Variants in CARF observed in about 807,000 individuals in gnomAD.
CARF encodes calcium-responsive transcription factor.
In CARF, 57 loss-of-function variants were observed where a neutral mutation model predicts 82.0. The ratio of observed to expected loss-of-function variants is 0.70; its 90% CI spans 0.56 to 0.87. CARF has a LOEUF of 0.87. Ranked by LOEUF, CARF falls within the 40% of genes least tolerant of loss-of-function variation. The pLI, the probability that CARF is intolerant of heterozygous loss-of-function variation, is 0.00. For missense variants in CARF, 771 were observed against 855.8 expected (o/e 0.90, Z 1.24); for synonymous variants, 268 against 290.1 (o/e 0.92, Z 0.77).
chr2:202,941,111 C>T (rs1364897235), intron 3 of CARF, among the ~76,000 whole-genome samples: 3 of 151,968 alleles, frequency 2.0e-5, no homozygotes, highest in African/African-American at 7.2e-5. Context: ...ATTGCTTTTA[C>T]TTCTATAGCC....
At chr2:202,924,185 G>A (rs1004860190) in intron 2 of CARF, 112 bp from the exon 3 acceptor site, 3 of 152,158 alleles carry the variant, frequency 2.0e-5, no homozygotes, top group African/African-American at 7.2e-5. Context: ...GTCTTTGTCA[G>A]CTACATGTTT....
rs762792094 is a variant in CARF at position 202,983,604 on chromosome 2, A to G, written c.2158A>G (p.Lys720Glu). ...GGAAGCAAAAAAAACTGTGGACTAT[A>G]AGAAATTATCTGCTACATAAATTAT... ...SMEAKKTVDY[K>E]KLSAT Residue 720 changes from lysine to glutamate, a missense_variant, in exon 17 of 17, where the codon AAG (lysine) becomes GAG (glutamate). By Grantham distance (56) the Lys-to-Glu change is moderately conservative. Transcript: ENST00000438828. 1.2e-6 allele frequency: 2 copies of G among 1,600,244 alleles called. No individual in the cohort carries two copies. Among genetic ancestry groups the G allele is most frequent in the Admixed American group, 3.4e-5 (2 of 59,054 alleles).
chr2:202,934,247 A>G (rs1693508857), intron 3 of CARF, among the ~76,000 whole-genome samples: 1 of 152,028 alleles, frequency 6.6e-6, no homozygotes, highest in South Asian at 2.1e-4. Context: ...TTTATGGTTC[A>G]GATCTAGTAT....
chr2:202,934,421 T>G (rs1693540443), intron 3 of CARF: 1 of 152,196 alleles, frequency 6.6e-6, no homozygotes, highest in African/African-American at 2.4e-5. Context: ...TGGCTCTAAG[T>G]TCTATCCACT....
chr2:202,918,949 T>C (rs1310012051), intron 2 of CARF, among the ~76,000 whole-genome samples: 1 of 152,214 alleles, frequency 6.6e-6, no homozygotes, highest in Non-Finnish European at 1.5e-5. Flanking sequence ...TTTATTCCAT[T>C]GGCAAAATCT....
rs184121964 is a variant in CARF at position 202,931,156 on chromosome 2, A to G, written c.-44+6741A>G. Among the ~76,000 whole-genome samples the G allele has an allele frequency of 3.9e-3, 587 of 151,642 alleles. 1 individual carries two copies. The highest frequency in any genetic ancestry group is 6.3e-3 in the Non-Finnish European group (427 of 67,874). On this transcript the variant is annotated intron_variant, in intron 3 of 16. Transcript: ENST00000438828. ...GCCCGGCTAATTTCATATTTTTAGT[A>G]GAGATGGGTTTCTCCATGTTGGCCA...
At chr2:202,969,673 A>C (rs78048636) in intron 10 of CARF, among the ~76,000 whole-genome samples, 5,931 of 152,140 alleles carry the variant, frequency 0.039, 376 homozygotes, top group African/African-American at 0.13. Flanking sequence ...GAGAAGGCAA[A>C]TCTACGGGAA....
chr2:202,923,344 C>T (rs1157712351), intron 2 of CARF, among the ~76,000 whole-genome samples: 1 of 152,178 alleles, frequency 6.6e-6, no homozygotes, highest in Non-Finnish European at 1.5e-5. Flanking sequence ...AGCAGCCAAG[C>T]TGAGAGTGAA....
At position 202,972,674 on chromosome 2, in the gene CARF, T is replaced by TAAAAAAAA. The variant is rs35376227; in HGVS notation, c.1331+950_1331+957dup. Among the ~76,000 whole-genome samples the TAAAAAAAA allele has an allele frequency of 1.9e-5, 2 of 103,016 alleles. 1 individual carries two copies. Among genetic ancestry groups the TAAAAAAAA allele is most frequent in the Non-Finnish European group, 3.7e-5 (2 of 54,438 alleles). 67.6% of individuals were successfully genotyped at this position (103,016 alleles called of 152,430 possible). A position where few individuals can be genotyped will look rare whatever the true frequency, so the allele number is the denominator to read the frequency against. The stretch of plus-strand genomic sequence containing the variant: ...CCTGGCTACAGAGCGAGACTCCGTC[T>TAAAAAAAA]AAAAAAAAAAAAAAAAAAAAAGGCA... On this transcript the variant is annotated intron_variant, in intron 12 of 16. Transcript: ENST00000438828.
chr2:202,913,026 T>C lies in CARF; in HGVS notation c.-406T>C, dbSNP rs1017585095. The C allele has an allele frequency of 2.6e-5, 4 of 152,244 alleles. No individual in the cohort carries two copies. Among genetic ancestry groups the C allele is most frequent in the African/African-American group, 4.8e-5 (2 of 41,444 alleles). The allele number at this position is 152,244 out of a possible 1,614,324, so 9.4% of individuals were successfully genotyped here. A position where few individuals can be genotyped will look rare whatever the true frequency, so the allele number is the denominator to read the frequency against. On this transcript the variant is annotated 5_prime_UTR_variant, in exon 1 of 17. Transcript: ENST00000438828. ...ATAACTATCCTGATCCCAATGTCAC[T>C]TTTTAAGGCATTCGCTTCAAGAGAC...
chr2:202,914,412 G>A (rs1256259364), intron 1 of CARF, among the ~76,000 whole-genome samples: 2 of 152,036 alleles, frequency 1.3e-5, no homozygotes, highest in Non-Finnish European at 2.9e-5. Flanking sequence ...GTGATCTTAA[G>A]CAAGTTTCTT....
chr2:202,963,568 G>A (rs2059413863), intron 9 of CARF, among the ~76,000 whole-genome samples: 1 of 152,146 alleles, frequency 6.6e-6, no homozygotes, highest in Non-Finnish European at 1.5e-5. Flanking sequence ...GATGATTCAA[G>A]CACATTACAT....
In CARF at chr2:202,977,321, C is replaced by T. The variant is rs1214303499; in HGVS notation, c.1547C>T (p.Thr516Ile). The T allele has an allele frequency of 3.1e-6, 5 of 1,611,442 alleles. No individual in the cohort carries two copies. The highest frequency in any genetic ancestry group is 1.1e-5 in the South Asian group (1 of 90,710). ...ATTCTCAAAGAGACCATGACAGTTA[C>T]ATTTGCAGAAGGTAGGTTTTCTTGA... ...GNILKETMTV[T>I]FAEGNSPGES... The change falls in exon 14 of 17, where the codon ACA (threonine) becomes ATA (isoleucine). Residue 516 changes from threonine to isoleucine, a missense_variant. By Grantham distance (89) the Thr-to-Ile change is moderately conservative (BLOSUM62 -1). Transcript: ENST00000438828.
At chr2:202,937,765 T>C (rs1259429497) in intron 3 of CARF, among the ~76,000 whole-genome samples, 1 of 151,958 alleles carries the variant, frequency 6.6e-6, no homozygotes, top group Non-Finnish European at 1.5e-5. Context: ...ACTGGAATTA[T>C]AGGCGTGCGC....
chr2:202,942,782 A>G lies in CARF; in HGVS notation c.121A>G (p.Asn41Asp). 1 of 1,614,092 alleles carries G rather than the reference A, an allele frequency of 6.2e-7. No individual in the cohort carries two copies. Among genetic ancestry groups the G allele is most frequent in the South Asian group, 1.1e-5 (1 of 91,086 alleles). Reference protein sequence around the residue: ...MDSRDSSFGQNDSPTVLPITT... With the variant: ...MDSRDSSFGQDDSPTVLPITT... ...CTCCAGGGATTCTTCCTTTGGACAA[A>G]ATGATTCTCCTACAGTTTTGCCCAT... Residue 41 changes from asparagine to aspartate, a missense_variant, in exon 5 of 17, where the codon AAT becomes GAT. Asn to Asp is a conservative substitution (Grantham distance 23). Transcript: ENST00000438828.
chr2:202,943,050 C>A, intron 5 of CARF, 83 bp downstream of exon 5: 1 of 1,032,664 alleles, frequency 9.7e-7, no homozygotes, highest in Non-Finnish European at 1.4e-6. Flanking sequence ...TTTCTTGACA[C>A]TTTTGACTTA....
At chr2:202,928,473 C>T (rs931924551) in intron 3 of CARF, among the ~76,000 whole-genome samples, 5 of 152,078 alleles carry the variant, frequency 3.3e-5, no homozygotes, top group African/African-American at 1.2e-4. Flanking sequence ...GATTTCCTTT[C>T]CTTTGGATAT....
intron 12 of CARF, among the ~76,000 whole-genome samples, chr2:202,973,980 C>T (rs554008003): frequency 3.3e-5 from 5 of 151,812 alleles, no homozygotes; most frequent in South Asian, 2.1e-4. Context: ...CCCAGCTACT[C>T]GGGAGGCTGA....
In CARF at chr2:202,974,261, CCTTT is replaced by C. The variant is rs2059933243; in HGVS notation, c.1332-70_1332-67del. The C allele has an allele frequency of 2.0e-4, 218 of 1,076,762 alleles. No homozygotes were observed. In the South Asian group the frequency reaches 3.6e-3, roughly 18 times the overall value. 66.7% of individuals were successfully genotyped at this position (1,076,762 alleles called of 1,614,324 possible). On this transcript the variant is annotated intron_variant, in intron 12 of 16. Transcript: ENST00000438828. ...TATAGAAGTTTATACTGAAAGAGAA[CCTTT>C]CTGTCTTTTGATCTAAAGGCATATT... is the stretch of plus-strand genomic sequence containing the variant.
Sources: gnomAD v4.1 joint callset for allele counts (sites outside exome capture counted in the v4.1 genomes callset) on GRCh38, gnomAD v4.1.1 for gene constraint, MANE v1.5 for transcripts, NCBI Gene and HGNC (gene_info 2026-07-23, HGNC 2026-07-21) for gene names.